Variants in TMEM170B observed in about 807,000 individuals in gnomAD.
TMEM170B encodes transmembrane protein 170B.
In TMEM170B, 6 loss-of-function variants were observed where a neutral mutation model predicts 13.0. That is an observed-to-expected ratio of 0.46 (90% CI 0.25 to 0.91). The LOEUF (loss-of-function observed/expected upper bound fraction) is 0.91, where lower values mean the gene tolerates loss of function less well. Ranked by LOEUF, TMEM170B falls within the 40% of genes least tolerant of loss-of-function variation. The probability of loss-of-function intolerance (pLI) is 0.17; values close to 1 mark genes in which losing one functional copy is unlikely to be tolerated. For synonymous variants in TMEM170B, 61 were observed against 64.9 expected (o/e 0.94, Z 0.29); for missense variants, 138 against 165.2 (o/e 0.84, Z 0.90).
intron 2 of TMEM170B, among the ~76,000 whole-genome samples, chr6:11,573,326 A>G (rs1178108429): frequency 1.3e-5 from 2 of 152,058 alleles, no homozygotes; most frequent in Non-Finnish European, 2.9e-5. Context: ...TTTTTTTGAA[A>G]TGGCTACCAG....
chr6:11,565,141 C>A (rs1432366198), intron 1 of TMEM170B, among the ~76,000 whole-genome samples: 5 of 151,968 alleles, frequency 3.3e-5, no homozygotes, highest in Non-Finnish European at 5.9e-5. Context: ...TGACTAGAGG[C>A]AAATAATTTA....
At chr6:11,564,103 T>G (rs72836607) in intron 1 of TMEM170B, among the ~76,000 whole-genome samples, 14,442 of 152,324 alleles carry the variant, frequency 0.095, 790 homozygotes, top group African/African-American at 0.14. Context: ...GAGTAATTTT[T>G]CCGTTGTATG....
chr6:11,563,766 A>G (rs1759701680), intron 1 of TMEM170B, among the ~76,000 whole-genome samples: 1 of 152,190 alleles, frequency 6.6e-6, no homozygotes, highest in African/African-American at 2.4e-5. Context: ...GGGGTTCTAG[A>G]CCAGTCTGGG....
At chr6:11,545,156 C>G (rs1399852331) in intron 1 of TMEM170B, among the ~76,000 whole-genome samples, 1 of 151,976 alleles carries the variant, frequency 6.6e-6, no homozygotes, top group African/African-American at 2.4e-5. Context: ...CTGCTTCAGG[C>G]TGGTCTCTCT....
At chr6:11,571,732 CT>C (rs1429270501) in intron 2 of TMEM170B, among the ~76,000 whole-genome samples, 2 of 151,858 alleles carry the variant, frequency 1.3e-5, no homozygotes, top group East Asian at 3.9e-4. Context: ...AGAGTGAAAA[CT>C]AAAGAACAAA....
rs186015411 is a variant in TMEM170B, at chr6:11,552,337, T to C, written c.98-13329T>C. On this transcript the variant is annotated intron_variant, in intron 1 of 2. Transcript: ENST00000379426. ...TAAAGTGACTTGTCTTTTAACAGAT[T>C]ATATTAAATTTATCTTTTGAGAATG... 1.2e-3 allele frequency among the ~76,000 whole-genome samples: 188 copies of C among 152,324 alleles called. 2 individuals are homozygous for C. The highest frequency in any genetic ancestry group is 6.6e-3 in the South Asian group (32 of 4,826).
rs1759901185 is a variant in TMEM170B, at chr6:11,577,893, CTCTT to C, written c.*2334_*2337del. 1 of 152,014 alleles carries C rather than the reference CTCTT, an allele frequency of 6.6e-6. No individual in the cohort carries two copies. The highest frequency in any genetic ancestry group is 2.4e-5 in the African/African-American group (1 of 41,396). 9.4% of individuals were successfully genotyped at this position (152,014 alleles called of 1,614,324 possible). A position where few individuals can be genotyped will look rare whatever the true frequency, so the allele number is the denominator to read the frequency against. ...CCATTGAGATTTTGTGCAACTGTCT[CTCTT>C]TTGATGTTTTGAGATGCAGTTGAAT... is the stretch of plus-strand genomic sequence containing the variant. On this transcript the variant is annotated 3_prime_UTR_variant, in exon 3 of 3. Transcript: ENST00000379426.
At chr6:11,568,580 G>A (rs1189175523) in intron 2 of TMEM170B, among the ~76,000 whole-genome samples, 3 of 152,076 alleles carry the variant, frequency 2.0e-5, no homozygotes, top group Non-Finnish European at 2.9e-5. Context: ...AGTGATTTTA[G>A]AAACTGCAGT....
In TMEM170B at chr6:11,538,162, C is replaced by T. The variant is rs1437031501; in HGVS notation, c.-116C>T. On this transcript the variant is annotated 5_prime_UTR_variant, in exon 1 of 3. Transcript: ENST00000379426. ...AGCGCCCGGCCCGGCGTCCCGCAGC[C>T]TCCACCAGCGGCGGCGGCCTGGAGG... The T allele has an allele frequency of 6.1e-5, 15 of 246,966 alleles. No individual in the cohort carries two copies. The highest frequency in any genetic ancestry group is 9.5e-5 in the Non-Finnish European group (14 of 147,722). The allele number at this position is 246,966 out of a possible 1,614,324, so 15.3% of individuals were successfully genotyped here. A position where few individuals can be genotyped will look rare whatever the true frequency, so the allele number is the denominator to read the frequency against.
chr6:11,560,106 G>A (rs549577447), intron 1 of TMEM170B, among the ~76,000 whole-genome samples: 2 of 151,936 alleles, frequency 1.3e-5, no homozygotes, highest in South Asian at 4.2e-4. Context: ...CTCATGAGCA[G>A]CTCAAGTTGA....
At chr6:11,554,794 T>C (rs1454976018) in intron 1 of TMEM170B, among the ~76,000 whole-genome samples, 4 of 152,144 alleles carry the variant, frequency 2.6e-5, no homozygotes, top group Admixed American at 2.6e-4. Context: ...TAAAAGATAA[T>C]GTTTCTGCTC....
At chr6:11,569,916 C>T (rs1287377378) in intron 2 of TMEM170B, among the ~76,000 whole-genome samples, 4 of 150,164 alleles carry the variant, frequency 2.7e-5, no homozygotes, top group Non-Finnish European at 5.9e-5. Context: ...TTTTTTAATC[C>T]CAGTGGTTTT....
chr6:11,552,050 C>T (rs1040034899), intron 1 of TMEM170B, among the ~76,000 whole-genome samples: 1 of 152,182 alleles, frequency 6.6e-6, no homozygotes, highest in South Asian at 2.1e-4. Flanking sequence ...TCATACAGAT[C>T]CATGGCTCCA....
chr6:11,546,645 G>A (rs1229637993), intron 1 of TMEM170B, among the ~76,000 whole-genome samples: 1 of 152,116 alleles, frequency 6.6e-6, no homozygotes, highest in Admixed American at 6.5e-5. Context: ...TATGTTTAGA[G>A]ACACAAATAC....
chr6:11,562,991 T>C (rs985266675), intron 1 of TMEM170B, among the ~76,000 whole-genome samples: 1 of 152,206 alleles, frequency 6.6e-6, no homozygotes, highest in African/African-American at 2.4e-5. Context: ...ATATCATGCT[T>C]TTAAATTTTT....
chr6:11,538,438 T>A (rs1759311634), intron 1 of TMEM170B, 64 bp downstream of exon 1: 6 of 1,241,168 alleles, frequency 4.8e-6, no homozygotes, highest in Non-Finnish European at 6.6e-6. Context: ...TTCTCCTTCC[T>A]CGGGAGGGGA....
intron 1 of TMEM170B, among the ~76,000 whole-genome samples, chr6:11,540,199 T>C (rs1759340221): frequency 6.6e-6 from 1 of 152,200 alleles, no homozygotes; most frequent in Non-Finnish European, 1.5e-5. Flanking sequence ...AAAACAGCAA[T>C]GAAGTTTGCC....
chr6:11,543,556 G>GCTGTTACTT lies in TMEM170B; in HGVS notation c.97+5182_97+5183insCTGTTACTT, dbSNP rs1759390433. Reference sequence around the variant, plus strand: ...ACTGAAGCAAAGAGTAACTTGCTTAGATCTGATAGCTAATAGTGAAAAAGT... The same window carrying GCTGTTACTT: ...ACTGAAGCAAAGAGTAACTTGCTTAGCTGTTACTTATCTGATAGCTAATAGTGAAAAAGT... On this transcript the variant is annotated intron_variant, in intron 1 of 2. Coordinates refer to ENST00000379426, the MANE Select transcript of TMEM170B (RefSeq NM_001100829.3). Among the ~76,000 whole-genome samples, 3 of 152,148 alleles carry GCTGTTACTT rather than the reference G, an allele frequency of 2.0e-5. No homozygotes were observed. In the South Asian group the frequency reaches 6.2e-4, roughly 31 times the overall value.
In TMEM170B at chr6:11,577,097, G is replaced by A. The variant is rs990333500; in HGVS notation, c.*1536G>A. 1 of 151,906 alleles carries A rather than the reference G, an allele frequency of 6.6e-6. No homozygotes were observed. The highest frequency in any genetic ancestry group is 1.5e-5 in the Non-Finnish European group (1 of 67,918). 9.4% of individuals were successfully genotyped at this position (151,906 alleles called of 1,614,324 possible). ...TTTAATCCAATTTGCTATAAAAGTA[G>A]GCCTTTGTTATATTACATTCAAATT... On this transcript the variant is annotated 3_prime_UTR_variant, in exon 3 of 3. Coordinates refer to ENST00000379426, the MANE Select transcript of TMEM170B (RefSeq NM_001100829.3).
Sources: allele counts gnomAD v4.1 joint callset (sites outside exome capture counted in the v4.1 genomes callset), GRCh38; gene constraint gnomAD v4.1.1; transcripts MANE v1.5; gene names NCBI Gene and HGNC (gene_info 2026-07-23, HGNC 2026-07-21).